Variants in LRFN5 observed in about 807,000 individuals in gnomAD.
LRFN5 encodes leucine-rich repeat and fibronectin type-III domain-containing protein 5.
In LRFN5, 24 loss-of-function variants were observed where a neutral mutation model predicts 45.6. The ratio of observed to expected loss-of-function variants is 0.53; its 90% CI spans 0.38 to 0.74. The LOEUF is 0.74. LRFN5 is among the 30% of genes least tolerant of loss of function. The pLI is 0.00. For synonymous variants in LRFN5, 340 were observed against 313.8 expected (o/e 1.08, Z -0.88); for missense variants, 776 against 861.5 (o/e 0.90, Z 1.24).
chr14:41,627,384 T>G (rs1211818849), intron 1 of LRFN5, among the ~76,000 whole-genome samples: 1 of 152,094 alleles, frequency 6.6e-6, no homozygotes, highest in Admixed American at 6.6e-5. Context: ...AAATGAAACT[T>G]TATAAAAAAT....
chr14:41,898,603 C>T (rs1164828735), intron 4 of LRFN5, among the ~76,000 whole-genome samples: 1 of 151,886 alleles, frequency 6.6e-6, no homozygotes, highest in Non-Finnish European at 1.5e-5. Flanking sequence ...TGAACAGAAA[C>T]TCGATTATCT....
At chr14:41,895,093 A>G in intron 4 of LRFN5, 1 of 977,012 alleles carries the variant, frequency 1.0e-6, no homozygotes, top group South Asian at 4.7e-5. Flanking sequence ...GCATGTATTA[A>G]CGATGTTTAC....
intron 2 of LRFN5, among the ~76,000 whole-genome samples, chr14:41,796,642 T>G (rs1264289121): frequency 6.6e-6 from 1 of 151,972 alleles, no homozygotes; most frequent in Non-Finnish European, 1.5e-5. Context: ...TTAGGGTCAC[T>G]TTATTAGGCA....
chr14:41,709,897 C>A (rs1470912613), intron 1 of LRFN5, among the ~76,000 whole-genome samples: 2 of 151,998 alleles, frequency 1.3e-5, no homozygotes, highest in Non-Finnish European at 2.9e-5. Flanking sequence ...GCTTAAGTGA[C>A]TTTACTATAG....
intron 1 of LRFN5, among the ~76,000 whole-genome samples, chr14:41,669,985 T>TA (rs11418821): frequency 0.33 from 48,786 of 148,630 alleles, 8,602 homozygotes; most frequent in African/African-American, 0.46. Flanking sequence ...AAAATATAGT[T>TA]AAAAATATAG....
At chr14:41,660,806 A>G (rs1340773795) in intron 1 of LRFN5, among the ~76,000 whole-genome samples, 1 of 142,212 alleles carries the variant, frequency 7.0e-6, no homozygotes, top group African/African-American at 2.7e-5. Flanking sequence ...TCTCTTTAAT[A>G]TATATATATT....
intron 1 of LRFN5, among the ~76,000 whole-genome samples, chr14:41,609,686 C>T (rs1441870943): frequency 6.6e-6 from 1 of 152,106 alleles, no homozygotes; most frequent in African/African-American, 2.4e-5. Context: ...AATAATTTAA[C>T]TAAGGAGTGT....
intron 1 of LRFN5, among the ~76,000 whole-genome samples, chr14:41,656,816 T>C (rs1880402091): frequency 6.6e-6 from 1 of 151,686 alleles, no homozygotes; most frequent in Admixed American, 6.6e-5. Flanking sequence ...ATTATTTTAT[T>C]TCAATTATTA....
rs1259756808 is a variant in LRFN5 at position 41,728,552 on chromosome 14, A to G, written c.-196-38302A>G. Reference sequence around the variant, plus strand: ...AAACAAGAGTGAAAGATACTGCATAATCTTTGTAAATGTTTGTAAATCCTT... The same window carrying G: ...AAACAAGAGTGAAAGATACTGCATAGTCTTTGTAAATGTTTGTAAATCCTT... On this transcript the variant is annotated intron_variant, in intron 1 of 5. Transcript: ENST00000298119. Among the ~76,000 whole-genome samples, 6 of 152,154 alleles carry G rather than the reference A, an allele frequency of 3.9e-5. No individual in the cohort carries two copies. In the East Asian group the frequency reaches 1.2e-3, roughly 29 times the overall value.
chr14:41,627,164 G>C (rs539201821), intron 1 of LRFN5, among the ~76,000 whole-genome samples: 1 of 152,126 alleles, frequency 6.6e-6, no homozygotes, highest in South Asian at 2.1e-4. Flanking sequence ...CACATAACAA[G>C]TAATTCATCT....
intron 1 of LRFN5, among the ~76,000 whole-genome samples, chr14:41,625,793 A>G (rs953050949): frequency 1.8e-4 from 27 of 152,184 alleles, no homozygotes; most frequent in African/African-American, 6.5e-4. Flanking sequence ...TACAACATCA[A>G]AAACACATTT....
At chr14:41,736,358 G>C (rs1884430643) in intron 1 of LRFN5, among the ~76,000 whole-genome samples, 1 of 152,186 alleles carries the variant, frequency 6.6e-6, no homozygotes, top group African/African-American at 2.4e-5. Flanking sequence ...AATAACCAGT[G>C]ATGATGAGCT....
At chr14:41,817,214 A>C (rs1420010625) in intron 2 of LRFN5, among the ~76,000 whole-genome samples, 1 of 152,012 alleles carries the variant, frequency 6.6e-6, no homozygotes, top group Non-Finnish European at 1.5e-5. Context: ...TGAGCATCTT[A>C]ATCATAGTTG....
intron 1 of LRFN5, among the ~76,000 whole-genome samples, chr14:41,719,928 T>G (rs1883646297): frequency 6.6e-6 from 1 of 152,060 alleles, no homozygotes; most frequent in South Asian, 2.1e-4. Context: ...TCTCTCCATA[T>G]AGAGAGGTAT....
chr14:41,675,007 C>T (rs185692681), intron 1 of LRFN5, among the ~76,000 whole-genome samples: 6,737 of 151,562 alleles, frequency 0.044, 487 homozygotes, highest in African/African-American at 0.15. Context: ...AGACGATGGG[C>T]GGCCGGGCAG....
At position 41,737,954 on chromosome 14, in the gene LRFN5, C is replaced by T. The variant is rs140093520; in HGVS notation, c.-196-28900C>T. 5.9e-5 allele frequency among the ~76,000 whole-genome samples: 9 copies of T among 152,246 alleles called. No homozygotes were observed. In the East Asian group the frequency reaches 1.7e-3, roughly 29 times the overall value. ...TAATTTATAGATTCAATGCTATTCC[C>T]ATCAAGCTACCATTGATATTCTTCA... On this transcript the variant is annotated intron_variant, in intron 1 of 5. Transcript: ENST00000298119.
chr14:41,765,341 C>CA (rs1293519567), intron 1 of LRFN5, among the ~76,000 whole-genome samples: 1,688 of 73,892 alleles, frequency 0.023, 37 homozygotes, highest in African/African-American at 0.084. Flanking sequence ...GACTCCGTCT[C>CA]AAAAAAAAAG....
chr14:41,793,169 A>AG (rs1486884802), intron 2 of LRFN5, among the ~76,000 whole-genome samples: 2 of 151,990 alleles, frequency 1.3e-5, no homozygotes, highest in East Asian at 3.9e-4. Flanking sequence ...AGAAAAAAAA[A>AG]GTATTACTTG....
intron 1 of LRFN5, among the ~76,000 whole-genome samples, chr14:41,753,188 GT>G (rs1324783550): frequency 6.7e-6 from 1 of 150,174 alleles, no homozygotes; most frequent in African/African-American, 2.4e-5. Context: ...ATAGTTTGAA[GT>G]CAGGTAGCAT....
Sources: gnomAD v4.1 joint callset for allele counts (sites outside exome capture counted in the v4.1 genomes callset) on GRCh38, gnomAD v4.1.1 for gene constraint, MANE v1.5 for transcripts, NCBI Gene and HGNC (gene_info 2026-07-23, HGNC 2026-07-21) for gene names.